CELSR1: variants seen among roughly 807,000 people sequenced by gnomAD.
The protein encoded by CELSR1 is cadherin EGF LAG seven-pass G-type receptor 1.
In CELSR1, 110 loss-of-function variants were observed where a neutral mutation model predicts 249.1. The observed-to-expected ratio is 0.44, with a 90% CI of 0.38 to 0.52. The LOEUF (loss-of-function observed/expected upper bound fraction) is 0.52. CELSR1 is among the 20% of genes least tolerant of loss of function. The pLI, the probability that CELSR1 is intolerant of heterozygous loss-of-function variation, is 0.00. For synonymous variants in CELSR1, 2,113 were observed against 1,900.0 expected (o/e 1.11, Z -2.92); for missense variants, 4,109 against 4,296.4 (o/e 0.96, Z 1.22).
At position 46,380,127 on chromosome 22, in the gene CELSR1, C is replaced by A. The variant is rs184507614; in HGVS notation, c.7256+661G>T. ...GCCACACTGTGGTGCTGAATCCAGT[C>A]TCACGTGTGGGTGAGAATCACTCAT... On this transcript the variant is annotated intron_variant, in intron 22 of 34. Transcript: ENST00000674500. The surrounding 1 kb of genome is among the most constrained non-coding windows in gnomAD (Gnocchi z 5.1). Among the ~76,000 whole-genome samples, 1 of 152,376 alleles carries A rather than the reference C, an allele frequency of 6.6e-6. No homozygotes were observed. Among genetic ancestry groups the A allele is most frequent in the East Asian group, 1.9e-4 (1 of 5,182 alleles).
Position 46,484,848 on chromosome 22 carries a change from C to G in CELSR1, c.3545-20503G>C, listed in dbSNP as rs537456813. ...CGCCTCCCTCCAATTTAGTGAATGG[C>G]GAGCAAATCATTTTCTTTGGGGGAA... is the stretch of plus-strand genomic sequence containing the variant. On this transcript the variant is annotated intron_variant, in intron 1 of 34. Transcript: ENST00000674500. This position sits in a 1 kb window ranked among gnomAD's most constrained non-coding sequence, Gnocchi z 4.5. 6.6e-6 allele frequency among the ~76,000 whole-genome samples: 1 copy of G among 150,414 alleles called. No individual in the cohort carries two copies. Among genetic ancestry groups the G allele is most frequent in the East Asian group, 2.0e-4 (1 of 5,086 alleles).
At chr22:46,525,214 C>T (rs563196089) in intron 1 of CELSR1, among the ~76,000 whole-genome samples, 1 of 152,256 alleles carries the variant, frequency 6.6e-6, no homozygotes, top group Admixed American at 6.5e-5. Context: ...TTTGGGAGGC[C>T]GAAGCGGGCA....
At chr22:46,486,087 G>A (rs78078083) in intron 1 of CELSR1, among the ~76,000 whole-genome samples, 2 of 151,124 alleles carry the variant, frequency 1.3e-5, no homozygotes, top group Admixed American at 1.3e-4. Flanking sequence ...ACAGGAGCCC[G>A]CCACCTTGCC....
At position 46,430,744 on chromosome 22, in the gene CELSR1, C is replaced by T. The variant is rs771298377; in HGVS notation, c.4611+2649G>A. On this transcript the variant is annotated intron_variant, in intron 5 of 34. Transcript: ENST00000674500. The surrounding 1 kb of genome is among the most constrained non-coding windows in gnomAD (Gnocchi z 4.6). The stretch of plus-strand genomic sequence containing the variant: ...TGTCTTCCTGACCTCAAGCTGGCCC[C>T]CGCCACCCCTCCAGGCCCCCACACT... Among the ~76,000 whole-genome samples the T allele has an allele frequency of 1.5e-4, 23 of 152,100 alleles. No homozygotes were observed. Among genetic ancestry groups the T allele is most frequent in the Non-Finnish European group, 2.4e-4 (16 of 68,020 alleles).
intron 2 of CELSR1, among the ~76,000 whole-genome samples, chr22:46,461,638 T>A (rs965306412): frequency 6.6e-6 from 1 of 152,160 alleles, no homozygotes; most frequent in African/African-American, 2.4e-5. Flanking sequence ...ACGGCACAGA[T>A]GAACTTGGTC....
rs577321977 is a variant in CELSR1 at position 46,437,143 on chromosome 22, G to C, written c.4407-854C>G. ...ACATGAACAGGCCTGTCAGAACTTAGAGCACGCTGAGCAAAAACCACCTGC... is the reference window on the plus strand; with the variant it reads ...ACATGAACAGGCCTGTCAGAACTTACAGCACGCTGAGCAAAAACCACCTGC... On this transcript the variant is annotated intron_variant, in intron 3 of 34. Coordinates refer to ENST00000674500, the MANE Select transcript of CELSR1 (RefSeq NM_001378328.1). The surrounding 1 kb of genome is among the most constrained non-coding windows in gnomAD (Gnocchi z 4.9). Among the ~76,000 whole-genome samples the C allele has an allele frequency of 6.6e-6, 1 of 152,316 alleles. No individual in the cohort carries two copies. Among genetic ancestry groups the C allele is most frequent in the South Asian group, 2.1e-4 (1 of 4,826 alleles).
At chr22:46,533,603 C>T in intron 1 of CELSR1, 24 bp downstream of exon 1, 1 of 1,531,884 alleles carries the variant, frequency 6.5e-7, no homozygotes, top group Non-Finnish European at 8.7e-7. Flanking sequence ...AGGAGCTACT[C>T]CTCCCACCCC....
chr22:46,386,258 C>T, intron 19 of CELSR1, 144 bp downstream of exon 19: 1 of 930,050 alleles, frequency 1.1e-6, no homozygotes, highest in Non-Finnish European at 1.5e-6. Context: ...GTATGAGCCA[C>T]TGTGCCCGGC....
intron 1 of CELSR1, among the ~76,000 whole-genome samples, chr22:46,499,301 G>C (rs2080444163): frequency 6.6e-6 from 1 of 151,902 alleles, no homozygotes; most frequent in Admixed American, 6.6e-5. Context: ...GGAATTGGCA[G>C]ACCACAAGAA....
At position 46,413,579 on chromosome 22, in the gene CELSR1, G is replaced by A. The variant is rs1443455678; in HGVS notation, c.4612-1820C>T. 2.0e-5 allele frequency among the ~76,000 whole-genome samples: 3 copies of A among 152,212 alleles called. No homozygotes were observed. The highest frequency in any genetic ancestry group is 4.4e-5 in the Non-Finnish European group (3 of 68,046). On this transcript the variant is annotated intron_variant, in intron 5 of 34. Transcript: ENST00000674500. This position sits in a 1 kb window ranked among gnomAD's most constrained non-coding sequence, Gnocchi z 4.7. ...ATACGTGAGTTTCCCACACGCCCTT[G>A]TCTGTAAATCCAAGGGAGGCTTCTA...
At chr22:46,375,948 A>G (rs1417565582) in intron 24 of CELSR1, among the ~76,000 whole-genome samples, 2 of 152,056 alleles carry the variant, frequency 1.3e-5, no homozygotes, top group South Asian at 2.1e-4. Context: ...TCTGATCTCT[A>G]TGCTTTTGTT....
rs34141466 is a variant in CELSR1 at position 46,535,412 on chromosome 22, T to C, written c.1759A>G (p.Ile587Val). ...NVPLGYPVVH[I>V]QAVDADSGEN... ...CCAGAGTCCGCGTCCACCGCCTGAA[T>C]GTGCACCACGGGGTAGCCCAGGGGC... The change falls in exon 1 of 35, where the codon ATT (isoleucine) becomes GTT (valine). Residue 587 changes from isoleucine to valine, a missense_variant. Coordinates refer to ENST00000674500, the MANE Select transcript of CELSR1 (RefSeq NM_001378328.1). 3.1e-3 allele frequency: 4,991 copies of C among 1,609,114 alleles called. 127 individuals carry two copies. In the African/African-American group the frequency reaches 0.056, roughly 18 times the overall value.
Position 46,389,363 on chromosome 22 carries a change from C to T in CELSR1, c.6482G>A (p.Gly2161Asp), listed in dbSNP as rs373359282. 24 of 1,610,412 alleles carry T rather than the reference C, an allele frequency of 1.5e-5. No individual in the cohort carries two copies. Among genetic ancestry groups the T allele is most frequent in the Admixed American group, 6.7e-5 (4 of 59,992 alleles). ...CCAGCTCTCGTGCTGAAGGACGTGG[C>T]CCAGCAGCTGGTAGGCCGTGCGCAC... ...NDVRTAYQLL[G>D]HVLQHESWQQ... The change falls in exon 18 of 35, where the codon GGC becomes GAC. Residue 2161 changes from glycine to aspartate, a missense_variant. Coordinates refer to ENST00000674500, the MANE Select transcript of CELSR1 (RefSeq NM_001378328.1).
At chr22:46,510,602 C>T (rs1177477324) in intron 1 of CELSR1, among the ~76,000 whole-genome samples, 1 of 152,146 alleles carries the variant, frequency 6.6e-6, no homozygotes, top group Non-Finnish European at 1.5e-5. Context: ...TCACACGCAG[C>T]CCCAGAAAAG....
intron 1 of CELSR1, among the ~76,000 whole-genome samples, chr22:46,465,592 G>A (rs1569184031): frequency 1.3e-5 from 2 of 152,330 alleles, no homozygotes; most frequent in South Asian, 2.1e-4. Context: ...AGCGGCACGC[G>A]GGGATCCCAA....
At position 46,384,730 on chromosome 22, in the gene CELSR1, T is replaced by C. The variant is rs936578110; in HGVS notation, c.6740-44A>G. On this transcript the variant is annotated intron_variant, in intron 19 of 34. Transcript: ENST00000674500. ...TAATCAGACATAACTCCCAGGGCTT[T>C]CTTGAACCCCTGCTGTTTTCAAAAT... The C allele has an allele frequency of 1.1e-5, 18 of 1,568,472 alleles. No homozygotes were observed. In the African/African-American group the frequency reaches 2.3e-4, roughly 20 times the overall value.
Position 46,518,403 on chromosome 22 carries a change from C to T in CELSR1, c.3544+15224G>A, listed in dbSNP as rs1429240046. On this transcript the variant is annotated intron_variant, in intron 1 of 34. Transcript: ENST00000674500. The surrounding 1 kb of genome is among the most constrained non-coding windows in gnomAD (Gnocchi z 5.2). ...GGCTCCCACAGACCACATTGCACTG[C>T]GACAAGGCAAACCGATGGTGTGCTC... 1.3e-5 allele frequency among the ~76,000 whole-genome samples: 2 copies of T among 152,220 alleles called. No individual in the cohort carries two copies. The highest frequency in any genetic ancestry group is 4.8e-5 in the African/African-American group (2 of 41,460).
Position 46,377,152 on chromosome 22 carries a change from G to A in CELSR1, c.7493C>T (p.Ser2498Phe). The change falls in exon 24 of 35, where the codon TCC becomes TTC. Residue 2498 changes from serine (S) to phenylalanine (F), a missense_variant. By Grantham distance (155) the Ser-to-Phe change is radical. Around this residue, in one of 7 missense-constraint regions of CELSR1, gnomAD observed 1,805 missense variants for 1,831.6 expected, o/e 0.99. Transcript: ENST00000674500. ...VLLSLVRMLR[S>F]NLHSIHKHLA... ...GTGCTTGTGAATGCTGTGCAGGTTG[G>A]AGCGCAGCATGCGGACCAGGCTCAG... is the stretch of plus-strand genomic sequence containing the variant. The A allele has an allele frequency of 6.2e-7, 1 of 1,613,762 alleles. No individual in the cohort carries two copies. Among genetic ancestry groups the A allele is most frequent in the African/African-American group, 1.3e-5 (1 of 75,002 alleles).
intron 1 of CELSR1, among the ~76,000 whole-genome samples, chr22:46,520,498 T>A (rs1336881465): frequency 6.6e-6 from 1 of 152,218 alleles, no homozygotes; most frequent in Non-Finnish European, 1.5e-5. Flanking sequence ...CTTGCTCTTC[T>A]CACCCAGGCT....
Sources: allele counts gnomAD v4.1 joint callset (sites outside exome capture counted in the v4.1 genomes callset), GRCh38; gene constraint gnomAD v4.1.1; regional missense constraint gnomAD v4.1.1; non-coding constraint Gnocchi (gnomAD v3.1); transcripts MANE v1.5; gene names NCBI Gene and HGNC (gene_info 2026-07-23, HGNC 2026-07-21).